GAN: variants seen among roughly 807,000 people sequenced by gnomAD.
GAN encodes epididymis secretory sperm binding protein.
Under a neutral mutation model 71.3 loss-of-function variants are expected in GAN, and 48 were observed. The observed-to-expected ratio is 0.67, with a 90% CI of 0.53 to 0.86. The LOEUF (loss-of-function observed/expected upper bound fraction) is 0.86. GAN is among the 40% of genes least tolerant of loss of function. The pLI is 0.00. For missense variants in GAN, 928 were observed against 770.1 expected (o/e 1.21, Z -2.43); for synonymous variants, 386 against 276.8 (o/e 1.39, Z -3.92).
intron 1 of GAN, among the ~76,000 whole-genome samples, chr16:81,344,699 G>A (rs530673358): frequency 6.6e-6 from 1 of 152,198 alleles, no homozygotes; most frequent in Non-Finnish European, 1.5e-5. Flanking sequence ...CAAAGGCATG[G>A]GCAAAGACCA....
chr16:81,359,040 C>T lies in GAN; in HGVS notation c.973+1109C>T, dbSNP rs140130483. 2.1e-3 allele frequency among the ~76,000 whole-genome samples: 317 copies of T among 152,316 alleles called. 1 individual carries two copies. The highest frequency in any genetic ancestry group is 7.4e-3 in the African/African-American group (308 of 41,578). On this transcript the variant is annotated intron_variant, in intron 5 of 10. Transcript: ENST00000648994. The stretch of plus-strand genomic sequence containing the variant: ...CTATACTGTACCACAGTGCATCATA[C>T]AAATGGCCAAGGCTCTACCATAGTA...
intron 1 of GAN, among the ~76,000 whole-genome samples, chr16:81,344,442 G>A (rs1467836237): frequency 6.6e-6 from 1 of 152,106 alleles, no homozygotes; most frequent in African/African-American, 2.4e-5. Context: ...GGAACAGAAC[G>A]GAGGCCTCAG....
chr16:81,349,193 C>G (rs1329854364), intron 1 of GAN, among the ~76,000 whole-genome samples: 2 of 152,114 alleles, frequency 1.3e-5, no homozygotes, highest in Non-Finnish European at 2.9e-5. Flanking sequence ...CCCCCTGCCC[C>G]ACCCCGACCC....
rs566389327 is a variant in GAN, at chr16:81,357,121, T to C, written c.851+119T>C. 7.8e-6 allele frequency: 6 copies of C among 768,038 alleles called. No homozygotes were observed. In the East Asian group the frequency reaches 1.6e-4, roughly 20 times the overall value. 47.6% of individuals were successfully genotyped at this position (768,038 alleles called of 1,614,324 possible). On this transcript the variant is annotated intron_variant, in intron 4 of 10. Coordinates refer to ENST00000648994, the MANE Select transcript of GAN (RefSeq NM_022041.4). ...CATAATTACATTTGATTTTTTTTTTTATACTTTAAGTTTTAGGGTACATGT... is the reference window on the plus strand; with the variant it reads ...CATAATTACATTTGATTTTTTTTTTCATACTTTAAGTTTTAGGGTACATGT...
intron 1 of GAN, among the ~76,000 whole-genome samples, chr16:81,331,975 CA>C (rs1216984688): frequency 2.6e-5 from 4 of 151,770 alleles, no homozygotes; most frequent in Non-Finnish European, 5.9e-5. Flanking sequence ...CCAGCCTGAC[CA>C]ATATGGAGAA....
chr16:81,332,696 C>T (rs1184427410), intron 1 of GAN, among the ~76,000 whole-genome samples: 1 of 152,174 alleles, frequency 6.6e-6, no homozygotes, highest in East Asian at 1.9e-4. Context: ...GTGGTGGTTC[C>T]TCAGTCTTTC....
rs1417983573 is a variant in GAN at position 81,382,259 on chromosome 16, G to T, written c.*4663G>T. 6.6e-6 allele frequency: 1 copy of T among 152,288 alleles called. No individual in the cohort carries two copies. The highest frequency in any genetic ancestry group is 2.1e-4 in the South Asian group (1 of 4,828). The allele number at this position is 152,288 out of a possible 1,614,324, so 9.4% of individuals were successfully genotyped here. The stretch of plus-strand genomic sequence containing the variant: ...GGATTATCAGCTCACCAGTCAGCCA[G>T]TGAGGCTGGAACTTGATTTTTCTAG... On this transcript the variant is annotated 3_prime_UTR_variant, in exon 11 of 11. Coordinates refer to ENST00000648994, the MANE Select transcript of GAN (RefSeq NM_022041.4).
chr16:81,316,491 G>T (rs575170684), intron 1 of GAN, among the ~76,000 whole-genome samples: 3 of 139,136 alleles, frequency 2.2e-5, no homozygotes, highest in East Asian at 2.6e-4. Flanking sequence ...GTGGAGGGGT[G>T]GGGGGGCGGG....
chr16:81,377,383 T>G, intron 10 of GAN, 32 bp from the exon 11 acceptor site: 3 of 1,607,518 alleles, frequency 1.9e-6, no homozygotes, highest in Non-Finnish European at 2.6e-6. Flanking sequence ...TCTGGGTACA[T>G]TTTCTCACCC....
At chr16:81,361,755 C>T (rs1354361245) in intron 5 of GAN, among the ~76,000 whole-genome samples, 1 of 152,182 alleles carries the variant, frequency 6.6e-6, no homozygotes, top group Non-Finnish European at 1.5e-5. Context: ...AGTACAATGG[C>T]ATGATCACAG....
intron 1 of GAN, among the ~76,000 whole-genome samples, chr16:81,340,644 A>C (rs576368456): frequency 3.9e-5 from 6 of 152,288 alleles, no homozygotes; most frequent in Non-Finnish European, 8.8e-5. Context: ...CACCAACATC[A>C]AAGACCCAAG....
chr16:81,344,538 G>C (rs1221213861), intron 1 of GAN, among the ~76,000 whole-genome samples: 1 of 152,172 alleles, frequency 6.6e-6, no homozygotes, highest in Non-Finnish European at 1.5e-5. Flanking sequence ...AATAAATCAT[G>C]CTGGGAAAAC....
rs1190540688 is a variant in GAN at position 81,389,738 on chromosome 16, C to T, written c.*12142C>T. The T allele has an allele frequency of 6.6e-6, 1 of 152,210 alleles. No homozygotes were observed. The highest frequency in any genetic ancestry group is 1.5e-5 in the Non-Finnish European group (1 of 68,044). The allele number at this position is 152,210 out of a possible 1,614,324, so 9.4% of individuals were successfully genotyped here. ...AGATTTGTAAATTCGATTTGACCCT[C>T]CCAAATTCAGGGCTGCTCTTTGCAG... is the stretch of plus-strand genomic sequence containing the variant. On this transcript the variant is annotated 3_prime_UTR_variant, in exon 11 of 11. Transcript: ENST00000648994.
chr16:81,324,822 A>C (rs11639818), intron 1 of GAN, among the ~76,000 whole-genome samples: 52,098 of 152,088 alleles, frequency 0.34, 10,347 homozygotes, highest in East Asian at 0.8. Context: ...TTTTAAAGTC[A>C]CTCCAATGCA....
chr16:81,345,117 T>A lies in GAN; in HGVS notation c.168-6466T>A, dbSNP rs147770153. On this transcript the variant is annotated intron_variant, in intron 1 of 10. Coordinates refer to ENST00000648994, the MANE Select transcript of GAN (RefSeq NM_022041.4). ...CAGGAAAAAACCGATGCTGGACAAG[T>A]TGTGGAAAAATAGGAACACTTTTAC... 6.0e-3 allele frequency among the ~76,000 whole-genome samples: 911 copies of A among 152,236 alleles called. 6 individuals are homozygous for A. Among genetic ancestry groups the A allele is most frequent in the African/African-American group, 0.021 (869 of 41,518 alleles).
At chr16:81,340,069 C>A (rs900783698) in intron 1 of GAN, among the ~76,000 whole-genome samples, 2 of 152,112 alleles carry the variant, frequency 1.3e-5, no homozygotes, top group African/African-American at 4.8e-5. Flanking sequence ...TCCTCTGCCA[C>A]CTGCTGAGAA....
At chr16:81,341,429 G>T (rs973823467) in intron 1 of GAN, among the ~76,000 whole-genome samples, 1 of 152,250 alleles carries the variant, frequency 6.6e-6, no homozygotes, top group Non-Finnish European at 1.5e-5. Context: ...CAGACTAACA[G>T]TGGATCTCTC....
At chr16:81,362,701 G>A (rs967218979) in intron 6 of GAN, 90 bp downstream of exon 6, 24 of 800,362 alleles carry the variant, frequency 3.0e-5, no homozygotes, top group East Asian at 5.1e-5. Context: ...GGGAAGAAAC[G>A]GCAGCCTTGT....
chr16:81,334,261 G>T (rs573209187), intron 1 of GAN, among the ~76,000 whole-genome samples: 20 of 152,192 alleles, frequency 1.3e-4, no homozygotes, highest in African/African-American at 3.1e-4. Context: ...CATAGTTGGG[G>T]GAAGGGAGGC....
Sources: gnomAD v4.1 joint callset for allele counts (sites outside exome capture counted in the v4.1 genomes callset) on GRCh38, gnomAD v4.1.1 for gene constraint, MANE v1.5 for transcripts, NCBI Gene and HGNC (gene_info 2026-07-23, HGNC 2026-07-21) for gene names.